Variants in HS6ST3 observed in about 807,000 individuals in gnomAD.
The protein encoded by HS6ST3 is heparan-sulfate 6-O-sulfotransferase 3.
Under a neutral mutation model 36.7 loss-of-function variants are expected in HS6ST3, and 12 were observed. The ratio of observed to expected loss-of-function variants is 0.33; its 90% confidence interval spans 0.21 to 0.53. The LOEUF (loss-of-function observed/expected upper bound fraction) is 0.53, where lower values mean the gene tolerates loss of function less well. Ranked by LOEUF, HS6ST3 falls within the 20% of genes least tolerant of loss-of-function variation. HS6ST3 has a pLI of 0.95. For missense variants in HS6ST3, 584 were observed against 640.9 expected (o/e 0.91, Z 0.96); for synonymous variants, 240 against 257.5 (o/e 0.93, Z 0.65).
chr13:96,704,159 T>A (rs2138455170), intron 1 of HS6ST3, among the ~76,000 whole-genome samples: 1 of 152,300 alleles, frequency 6.6e-6, no homozygotes, highest in Middle Eastern at 3.4e-3. Context: ...GTTCCATAAT[T>A]TGCGCCAAAG....
chr13:96,432,101 A>G (rs913563311), intron 1 of HS6ST3, among the ~76,000 whole-genome samples: 2 of 152,132 alleles, frequency 1.3e-5, no homozygotes, highest in African/African-American at 4.8e-5. Flanking sequence ...GGAAACTTCC[A>G]TTTCTTTTTG....
At chr13:96,181,734 CTT>C (rs1361623117) in intron 1 of HS6ST3, among the ~76,000 whole-genome samples, 3 of 152,170 alleles carry the variant, frequency 2.0e-5, no homozygotes, top group Non-Finnish European at 1.5e-5. Flanking sequence ...CTCTTGAGAT[CTT>C]TTAGATTGAG....
intron 1 of HS6ST3, among the ~76,000 whole-genome samples, chr13:96,545,552 A>G (rs1405679973): frequency 6.6e-6 from 1 of 152,198 alleles, no homozygotes; most frequent in Non-Finnish European, 1.5e-5. Flanking sequence ...TAAGCGTAGT[A>G]AGTATAGTTT....
chr13:96,149,519 T>C (rs1190603502), intron 1 of HS6ST3, among the ~76,000 whole-genome samples: 2 of 152,210 alleles, frequency 1.3e-5, no homozygotes, highest in East Asian at 3.8e-4. Context: ...AAAAGCCAAG[T>C]TGTTTGTCCC....
intron 1 of HS6ST3, among the ~76,000 whole-genome samples, chr13:96,607,400 A>G (rs749207248): frequency 2.6e-5 from 4 of 152,224 alleles, no homozygotes; most frequent in Non-Finnish European, 1.5e-5. Flanking sequence ...ACTGTCCACA[A>G]CATGTAAGAA....
At chr13:96,224,426 AACCTCCT>A (rs911871806) in intron 1 of HS6ST3, among the ~76,000 whole-genome samples, 3 of 152,078 alleles carry the variant, frequency 2.0e-5, no homozygotes, top group African/African-American at 7.2e-5. Context: ...GGCTCAAGTG[AACCTCCT>A]ACCTCAGCCT....
chr13:96,508,096 C>A (rs145328523), intron 1 of HS6ST3, among the ~76,000 whole-genome samples: 4 of 152,010 alleles, frequency 2.6e-5, no homozygotes, highest in Non-Finnish European at 5.9e-5. Context: ...ACATTTGTAC[C>A]CTTTGATATC....
At chr13:96,589,327 A>G (rs1216781025) in intron 1 of HS6ST3, among the ~76,000 whole-genome samples, 1 of 152,006 alleles carries the variant, frequency 6.6e-6, no homozygotes, top group Non-Finnish European at 1.5e-5. Context: ...CTAATTTTTT[A>G]TGTATAATTG....
chr13:96,819,717 G>C (rs1170159997), intron 1 of HS6ST3, among the ~76,000 whole-genome samples: 2 of 152,114 alleles, frequency 1.3e-5, no homozygotes, highest in African/African-American at 4.8e-5. Flanking sequence ...AAGAAAAAAA[G>C]AAGTCCCAGC....
At position 96,695,283 on chromosome 13, in the gene HS6ST3, T is replaced by G. The variant is rs78109343; in HGVS notation, c.708-137207T>G. 2.5e-3 allele frequency among the ~76,000 whole-genome samples: 385 copies of G among 152,288 alleles called. 1 individual carries two copies. The highest frequency in any genetic ancestry group is 8.9e-3 in the African/African-American group (371 of 41,578). ...AGACATCTTCTAATTCTACCCTTTG[T>G]GATGGACAGTCTCCTTTGAAGGTGT... On this transcript the variant is annotated intron_variant, in intron 1 of 1. Transcript: ENST00000376705.
In HS6ST3 at chr13:96,657,507, C is replaced by T. The variant is rs1341143979; in HGVS notation, c.708-174983C>T. On this transcript the variant is annotated intron_variant, in intron 1 of 1. Coordinates refer to ENST00000376705, the MANE Select transcript of HS6ST3 (RefSeq NM_153456.4). Reference sequence around the variant, plus strand: ...CTACACTCCAGCCTGAGCAACAGAGCAAGATCTTGTCTCAAAACAAACAAA... The same window carrying T: ...CTACACTCCAGCCTGAGCAACAGAGTAAGATCTTGTCTCAAAACAAACAAA... 2.6e-5 allele frequency among the ~76,000 whole-genome samples: 4 copies of T among 152,108 alleles called. No homozygotes were observed. The East Asian group carries it at 7.7e-4, about 29-fold the overall frequency.
intron 1 of HS6ST3, among the ~76,000 whole-genome samples, chr13:96,716,713 C>G (rs1463663510): frequency 6.6e-6 from 1 of 152,138 alleles, no homozygotes; most frequent in East Asian, 1.9e-4. Context: ...AGATATCTAT[C>G]TATCTAAATA....
intron 1 of HS6ST3, among the ~76,000 whole-genome samples, chr13:96,484,851 G>T (rs2055906502): frequency 6.6e-6 from 1 of 152,020 alleles, no homozygotes; most frequent in African/African-American, 2.4e-5. Flanking sequence ...ATTTCCTTTG[G>T]ATGTATGTGA....
At chr13:96,555,894 G>C (rs915819680) in intron 1 of HS6ST3, among the ~76,000 whole-genome samples, 1 of 152,012 alleles carries the variant, frequency 6.6e-6, no homozygotes, top group African/African-American at 2.4e-5. Context: ...GAAAATCTTC[G>C]CAGATGTCAA....
intron 1 of HS6ST3, among the ~76,000 whole-genome samples, chr13:96,699,742 G>T (rs932858031): frequency 3.3e-5 from 5 of 152,044 alleles, no homozygotes; most frequent in African/African-American, 4.8e-5. Flanking sequence ...CCCATTACTG[G>T]GTATATACCC....
chr13:96,248,867 T>C (rs542865527), intron 1 of HS6ST3, among the ~76,000 whole-genome samples: 1 of 152,348 alleles, frequency 6.6e-6, no homozygotes, highest in South Asian at 2.1e-4. Context: ...TATAGTAGCC[T>C]GTGCTAGTCA....
chr13:96,808,472 G>C (rs576571396), intron 1 of HS6ST3, among the ~76,000 whole-genome samples: 2 of 152,272 alleles, frequency 1.3e-5, no homozygotes, highest in Non-Finnish European at 2.9e-5. Context: ...AGCATGGTTC[G>C]AATTGGCTGT....
intron 1 of HS6ST3, among the ~76,000 whole-genome samples, chr13:96,550,652 T>G (rs1038336409): frequency 1.7e-4 from 22 of 126,560 alleles, no homozygotes; most frequent in Admixed American, 5.4e-4. Context: ...ATATTTTATG[T>G]TTTTTTTTTG....
At chr13:96,629,831 G>GT (rs995313900) in intron 1 of HS6ST3, among the ~76,000 whole-genome samples, 347 of 148,630 alleles carry the variant, frequency 2.3e-3, no homozygotes, top group African/African-American at 7.3e-3. Flanking sequence ...TAAATGCAAT[G>GT]TTTTTTTTTT....
Sources: gnomAD v4.1 joint callset for allele counts (sites outside exome capture counted in the v4.1 genomes callset) on GRCh38, gnomAD v4.1.1 for gene constraint, MANE v1.5 for transcripts, NCBI Gene and HGNC (gene_info 2026-07-23, HGNC 2026-07-21) for gene names.